The following ENTREP2 variants were observed in gnomAD, a reference collection of about 807,000 sequenced individuals.
ENTREP2 encodes endosomal transmembrane epsin interactor 2, also known as protein ENTREP2.
At chr15:29,651,402 A>G in the ENTREP2 span, among the ~76,000 whole-genome samples, 2 of 152,210 alleles carry the variant, frequency 1.3e-5, no homozygotes, top group African/African-American at 4.8e-5. Flanking sequence ...GGAAGGTGAT[A>G]GCAGAAGCGG....
chr15:29,589,378 T>C, the ENTREP2 span, among the ~76,000 whole-genome samples: 2 of 152,234 alleles, frequency 1.3e-5, no homozygotes, highest in African/African-American at 2.4e-5. Flanking sequence ...CCAAGTTCCA[T>C]ATGACCTTCC....
the ENTREP2 span, among the ~76,000 whole-genome samples, chr15:29,263,411 C>A: frequency 2.0e-5 from 3 of 152,302 alleles, no homozygotes; most frequent in African/African-American, 7.2e-5. Context: ...AGGCCAAGGT[C>A]ACCTGAGTGG....
the ENTREP2 span, among the ~76,000 whole-genome samples, chr15:29,537,933 C>T: frequency 2.0e-5 from 3 of 152,144 alleles, no homozygotes; most frequent in Admixed American, 2.0e-4. Context: ...CACACTTCTG[C>T]AGGTCGCTAC....
chr15:29,495,585 C>G, the ENTREP2 span, among the ~76,000 whole-genome samples: 1 of 152,032 alleles, frequency 6.6e-6, no homozygotes, highest in South Asian at 2.1e-4. Context: ...AGATAACTCT[C>G]CAATTTTGTT....
chr15:29,127,783 G>A, the ENTREP2 span, among the ~76,000 whole-genome samples: 1 of 152,290 alleles, frequency 6.6e-6, no homozygotes, highest in Non-Finnish European at 1.5e-5. Context: ...TGGGAAACAG[G>A]AAGGGGCTCA....
At chr15:29,133,803 G>T in the ENTREP2 span, among the ~76,000 whole-genome samples, 1 of 152,136 alleles carries the variant, frequency 6.6e-6, no homozygotes, top group African/African-American at 2.4e-5. Flanking sequence ...ATGAACTACA[G>T]CTCCTGTCAT....
the ENTREP2 span, among the ~76,000 whole-genome samples, chr15:29,463,646 G>A: frequency 6.6e-6 from 1 of 152,088 alleles, no homozygotes; most frequent in Non-Finnish European, 1.5e-5. Context: ...ACAAGATAAG[G>A]TGAATTATTT....
At chr15:29,303,473 T>G in the ENTREP2 span, among the ~76,000 whole-genome samples, 43 of 152,338 alleles carry the variant, frequency 2.8e-4, no homozygotes, top group African/African-American at 9.4e-4. Context: ...CCTTTTATTT[T>G]TTTTTTAGGT....
chr15:29,634,665 C>T, the ENTREP2 span, among the ~76,000 whole-genome samples: 1 of 152,176 alleles, frequency 6.6e-6, no homozygotes, highest in Non-Finnish European at 1.5e-5. Flanking sequence ...CAAGACTACC[C>T]CCCTTCCCAG....
chr15:29,399,561 T>C, the ENTREP2 span, among the ~76,000 whole-genome samples: 3 of 152,198 alleles, frequency 2.0e-5, no homozygotes, highest in Non-Finnish European at 2.9e-5. Context: ...AAAATCAATA[T>C]GTTGAAAATT....
At chr15:29,468,258 C>CT in the ENTREP2 span, among the ~76,000 whole-genome samples, 3 of 151,980 alleles carry the variant, frequency 2.0e-5, no homozygotes, top group African/African-American at 7.3e-5. Flanking sequence ...TAAGCTGGTT[C>CT]TGGGGGTGGG....
the ENTREP2 span, among the ~76,000 whole-genome samples, chr15:29,211,534 G>A: frequency 6.6e-6 from 1 of 152,230 alleles, no homozygotes; most frequent in African/African-American, 2.4e-5. Flanking sequence ...AGTGGTCAGA[G>A]TGGGCATCCT....
the ENTREP2 span, among the ~76,000 whole-genome samples, chr15:29,518,199 TCAAAACAAAACAAAA>T: frequency 4.0e-5 from 6 of 151,870 alleles, no homozygotes; most frequent in African/African-American, 1.5e-4. Context: ...AGACCTAGTC[TCAAAACAAAACAAAA>T]CAAAACAAAA....
chr15:29,636,489 G>A, the ENTREP2 span, among the ~76,000 whole-genome samples: 1 of 152,336 alleles, frequency 6.6e-6, no homozygotes, highest in East Asian at 1.9e-4. Flanking sequence ...GGCCTGCACA[G>A]CTGTGCATGA....
At chr15:29,503,119 G>T in the ENTREP2 span, among the ~76,000 whole-genome samples, 6 of 152,056 alleles carry the variant, frequency 3.9e-5, no homozygotes, top group Non-Finnish European at 8.8e-5. Flanking sequence ...GTATTGAAAA[G>T]ATATGTTCAC....
chr15:29,290,596 T>C, the ENTREP2 span, among the ~76,000 whole-genome samples: 1 of 152,214 alleles, frequency 6.6e-6, no homozygotes, highest in Non-Finnish European at 1.5e-5. Context: ...GTTATATCCG[T>C]AGGAGCCAGA....
the ENTREP2 span, among the ~76,000 whole-genome samples, chr15:29,255,960 T>C: frequency 1.4e-5 from 2 of 141,390 alleles, no homozygotes; most frequent in African/African-American, 5.4e-5. Flanking sequence ...AAGATCACGC[T>C]ACTGCACTCC....
At chr15:29,215,417 T>C in the ENTREP2 span, among the ~76,000 whole-genome samples, 1 of 152,086 alleles carries the variant, frequency 6.6e-6, no homozygotes, top group Non-Finnish European at 1.5e-5. Flanking sequence ...CCTCCCAGCC[T>C]ACATCTTTCT....
At chr15:29,621,588 C>CAAA in the ENTREP2 span, among the ~76,000 whole-genome samples, 432 of 58,824 alleles carry the variant, frequency 7.3e-3, 11 homozygotes, top group African/African-American at 0.025. Flanking sequence ...TGGCCACTAT[C>CAAA]AAAAAAAAAA....
Sources: allele counts gnomAD v4.1 joint callset (sites outside exome capture counted in the v4.1 genomes callset), GRCh38; gene constraint gnomAD v4.1.1; transcripts MANE v1.5; gene names NCBI Gene and HGNC (gene_info 2026-07-23, HGNC 2026-07-21).